The following CD99 variants were observed in gnomAD, a reference collection of about 807,000 sequenced individuals.
CD99 encodes the protein CD99 molecule (Xg blood group), also known as CD99 antigen.
CD99 carries 19 observed loss-of-function variants against 28.4 expected under a neutral mutation model. That is an observed-to-expected ratio of 0.67 (90% confidence interval 0.47 to 0.98). The LOEUF (loss-of-function observed/expected upper bound fraction) is 0.98. Among genes scored for constraint, CD99 ranks in the 50% least tolerant of loss-of-function variants. The pLI is 0.00. For missense variants in CD99, 283 were observed against 248.8 expected (o/e 1.14, Z -0.92); for synonymous variants, 103 against 92.1 (o/e 1.12, Z -0.67).
chrX:2,703,604 AAGTGTGTGTG>A (rs940613824), intron 1 of CD99, among the ~76,000 whole-genome samples: 1 of 111,342 alleles, frequency 9.0e-6, no homozygotes, highest in Non-Finnish European at 1.7e-5. Context: ...CCGAGCTGTT[AAGTGTGTGTG>A]TGTGTGTGTG....
At chrX:2,713,777 T>G (rs1433586699) in intron 1 of CD99, among the ~76,000 whole-genome samples, 1 of 152,184 alleles carries the variant, frequency 6.6e-6, no homozygotes, top group Non-Finnish European at 1.5e-5. Context: ...TTATCCTAAC[T>G]CTTCCTCCAG....
intron 7 of CD99, among the ~76,000 whole-genome samples, chrX:2,724,363 G>A (rs1473388919): frequency 6.6e-6 from 1 of 152,174 alleles, no homozygotes; most frequent in East Asian, 1.9e-4. Context: ...CATGTTTGGA[G>A]CCAGTGTTTT....
chrX:2,714,217 T>A (rs1262930923), intron 1 of CD99, among the ~76,000 whole-genome samples: 1 of 152,192 alleles, frequency 6.6e-6, no homozygotes, highest in Non-Finnish European at 1.5e-5. Flanking sequence ...ATCATTTATT[T>A]AAAACCTAGG....
chrX:2,740,954 T>G lies in CD99; in HGVS notation c.*150T>G, dbSNP rs2050163450. Reference sequence around the variant, plus strand: ...GTTTTAATCTTGCGATGTGCTTTGCTTGTTGCTGGGCGGATGATGTTTACT... The same window carrying G: ...GTTTTAATCTTGCGATGTGCTTTGCGTGTTGCTGGGCGGATGATGTTTACT... On this transcript the variant is annotated 3_prime_UTR_variant, in exon 10 of 10. Coordinates refer to ENST00000381192, the MANE Select transcript of CD99 (RefSeq NM_002414.5). 2.2e-5 allele frequency: 20 copies of G among 892,244 alleles called. No individual in the cohort carries two copies. The South Asian group carries it at 2.7e-4, about 12-fold the overall frequency. The allele number at this position is 892,244 out of a possible 1,614,324, so 55.3% of individuals were successfully genotyped here. A position where few individuals can be genotyped will look rare whatever the true frequency, so the allele number is the denominator to read the frequency against.
intron 8 of CD99, among the ~76,000 whole-genome samples, chrX:2,733,104 G>A (rs2049754872): frequency 6.9e-6 from 1 of 145,340 alleles, no homozygotes; most frequent in South Asian, 2.2e-4. Context: ...CCTTCTTCCT[G>A]CTTCCCTCCT....
Position 2,726,276 on chromosome X carries a change from G to T in CD99, c.378G>T (p.Val126=). 2 of 1,610,212 alleles carry T rather than the reference G, an allele frequency of 1.2e-6. No homozygotes were observed. The highest frequency in any genetic ancestry group is 1.7e-6 in the Non-Finnish European group (2 of 1,178,042). Residue 126 remains valine (V), a synonymous_variant, in exon 8 of 10, where the codon GTG becomes GTT. Coordinates refer to ENST00000381192, the MANE Select transcript of CD99 (RefSeq NM_002414.5). ...CTCCTGCAGCCGACGCCCCAGGCGT[G>T]ATCCCCGGGATTGTGGGGGCTGTCG... is the stretch of plus-strand genomic sequence containing the variant. ...KEGEEADAPG[V]IPGIVGAVVV...
chrX:2,717,386 T>G, intron 2 of CD99: 1 of 548,976 alleles, frequency 1.8e-6, no homozygotes, highest in Non-Finnish European at 3.3e-6. Flanking sequence ...GGGCTCCTGG[T>G]CTCTGTGGAA....
At chrX:2,738,020 C>G (rs1569452053) in intron 8 of CD99, 180 bp from the exon 9 acceptor site, 1 of 732,648 alleles carries the variant, frequency 1.4e-6, no homozygotes, top group East Asian at 2.6e-5. Context: ...CTGGCAAAGT[C>G]TTCACTTACA....
chrX:2,716,637 G>A (rs1234414029), intron 2 of CD99, among the ~76,000 whole-genome samples: 5 of 152,190 alleles, frequency 3.3e-5, no homozygotes, highest in Admixed American at 2.6e-4. Flanking sequence ...GGCGTGAGAG[G>A]ATTGCAGACA....
intron 3 of CD99, among the ~76,000 whole-genome samples, chrX:2,718,424 A>G (rs1334545567): frequency 6.8e-6 from 1 of 147,492 alleles, no homozygotes; most frequent in Admixed American, 6.9e-5. Context: ...GCTGGAGTGC[A>G]GTGGCGCAAT....
intron 1 of CD99, among the ~76,000 whole-genome samples, chrX:2,703,277 G>A (rs1343543713): frequency 6.6e-6 from 1 of 152,160 alleles, no homozygotes; most frequent in Non-Finnish European, 1.5e-5. Flanking sequence ...GTGCTGACAT[G>A]CTACCTAGCG....
intron 1 of CD99, among the ~76,000 whole-genome samples, chrX:2,706,770 T>C (rs187568741): frequency 6.6e-6 from 1 of 152,264 alleles, no homozygotes; most frequent in East Asian, 1.9e-4. Context: ...GTTATTCTTA[T>C]GAAAATCTGA....
At chrX:2,740,426 C>T (rs1158736553) in intron 9 of CD99, among the ~76,000 whole-genome samples, 2 of 152,054 alleles carry the variant, frequency 1.3e-5, no homozygotes, top group Admixed American at 6.5e-5. Context: ...AAATCTCAGC[C>T]CAGCATCATT....
chrX:2,723,364 G>T lies in CD99; in HGVS notation c.361G>T (p.Ala121Ser). The change falls in exon 7 of 10, where the codon GCC (alanine) becomes TCC (serine). Residue 121 changes from alanine to serine, a missense_variant and splice_region_variant. Physicochemically the swap from Ala to Ser is moderately conservative, Grantham distance 99 (BLOSUM62 1). Transcript: ENST00000381192. ...GGSHRKEGEE[A>S]DAPGVIPGIV... The stretch of plus-strand genomic sequence containing the variant: ...CAGCCACAGGAAAGAAGGGGAAGAG[G>T]GTAGGTGCACCTGGCTTCTGTCTTC... 1.2e-6 allele frequency: 2 copies of T among 1,613,902 alleles called. No individual in the cohort carries two copies. Among genetic ancestry groups the T allele is most frequent in the Non-Finnish European group, 8.5e-7 (1 of 1,179,852 alleles).
intron 3 of CD99, chrX:2,719,385 T>C: frequency 2.5e-6 from 1 of 392,798 alleles, no homozygotes; most frequent in Non-Finnish European, 4.5e-6. Flanking sequence ...ATTACTTTAT[T>C]TCTCTCTCTC....
intron 1 of CD99, among the ~76,000 whole-genome samples, chrX:2,703,099 T>G (rs1359886908): frequency 2.0e-5 from 3 of 152,134 alleles, no homozygotes; most frequent in Non-Finnish European, 4.4e-5. Flanking sequence ...AGAATTGAGC[T>G]TCTCAATAGC....
intron 9 of CD99, among the ~76,000 whole-genome samples, chrX:2,738,597 C>T (rs1450996497): frequency 4.0e-5 from 6 of 151,710 alleles, no homozygotes; most frequent in Admixed American, 6.6e-5. Context: ...TGGTGGTGGG[C>T]GCCTGTAATC....
At chrX:2,733,527 G>A in intron 8 of CD99, 1 of 762,762 alleles carries the variant, frequency 1.3e-6, no homozygotes, top group Non-Finnish European at 2.2e-6. Context: ...TCACATGGCG[G>A]ATTCTCTGCC....
chrX:2,696,790 C>G (rs1324276800), intron 1 of CD99, among the ~76,000 whole-genome samples: 6 of 152,308 alleles, frequency 3.9e-5, no homozygotes, highest in Middle Eastern at 3.4e-3. Flanking sequence ...AGGACTTCCT[C>G]TTCTTGAATT....
Sources: allele counts gnomAD v4.1 joint callset (sites outside exome capture counted in the v4.1 genomes callset), GRCh38; gene constraint gnomAD v4.1.1; transcripts MANE v1.5; gene names NCBI Gene and HGNC (gene_info 2026-07-23, HGNC 2026-07-21).